STK3: variants seen among roughly 807,000 people sequenced by gnomAD.
STK3 encodes the protein serine/threonine kinase 3.
STK3 carries 41 observed loss-of-function variants against 58.0 expected under a neutral mutation model. That is an observed-to-expected ratio of 0.71 (90% CI 0.55 to 0.92). The LOEUF is 0.92. Among genes scored for constraint, STK3 ranks in the 40% least tolerant of loss-of-function variants. STK3 has a pLI of 0.00. For missense variants in STK3, 479 were observed against 602.7 expected (o/e 0.79, Z 2.15); for synonymous variants, 170 against 191.0 (o/e 0.89, Z 0.91).
chr8:98,876,993 G>C (rs1361932042), intron 3 of STK3, among the ~76,000 whole-genome samples: 1 of 152,172 alleles, frequency 6.6e-6, no homozygotes, highest in African/African-American at 2.4e-5. Context: ...AAAAGATCCT[G>C]GCTATTCCAT....
chr8:98,758,872 T>A (rs1268395693), intron 3 of STK3, among the ~76,000 whole-genome samples: 1 of 152,256 alleles, frequency 6.6e-6, no homozygotes, highest in Non-Finnish European at 1.5e-5. Flanking sequence ...TGTTTAAGCC[T>A]CATGAACCAA....
downstream of STK3, among the ~76,000 whole-genome samples, chr8:98,366,985 T>C (rs1586538415): frequency 6.6e-6 from 1 of 152,370 alleles, no homozygotes; most frequent in Middle Eastern, 3.4e-3. Flanking sequence ...AGAAATTGAG[T>C]AACTTTCCCA....
intron 1 of STK3, among the ~76,000 whole-genome samples, chr8:98,814,932 T>C (rs1412557589): frequency 6.6e-6 from 1 of 152,206 alleles, no homozygotes; most frequent in Non-Finnish European, 1.5e-5. Flanking sequence ...TCTGCCTGCC[T>C]CGGCCTCCCA....
At chr8:98,348,028 T>C in the STK3 span, among the ~76,000 whole-genome samples, 1 of 152,200 alleles carries the variant, frequency 6.6e-6, no homozygotes, top group Non-Finnish European at 1.5e-5. Context: ...AAATCTACGA[T>C]AATCAAGACT....
At chr8:98,850,013 C>A (rs190046463) in intron 3 of STK3, among the ~76,000 whole-genome samples, 1 of 152,094 alleles carries the variant, frequency 6.6e-6, no homozygotes, top group Non-Finnish European at 1.5e-5. Flanking sequence ...TCATTTTTAT[C>A]TCTTTATCAC....
In STK3 at chr8:98,435,749, C is replaced by T. The variant is rs115014502; in HGVS notation, n.291+1354G>A. ...AGGGAATACTCAGAGCCATGTTGCC[C>T]GAGTGCCTGGGATACACAGAGCGGG... is the stretch of plus-strand genomic sequence containing the variant. On this transcript the variant is annotated intron_variant and non_coding_transcript_variant, in intron 2 of 3. Transcript: ENST00000517832. Among the ~76,000 whole-genome samples, 645 of 152,156 alleles carry T rather than the reference C, an allele frequency of 4.2e-3. 4 individuals are homozygous for T. Among genetic ancestry groups the T allele is most frequent in the African/African-American group, 0.014 (567 of 41,526 alleles).
intron 1 of STK3, among the ~76,000 whole-genome samples, chr8:98,446,959 C>T (rs972868647): frequency 6.6e-6 from 1 of 151,972 alleles, no homozygotes; most frequent in African/African-American, 2.4e-5. Context: ...GAGTTGGAAG[C>T]CATTATCGTT....
At chr8:98,908,659 A>G (rs1277486950) in intron 1 of STK3, among the ~76,000 whole-genome samples, 1 of 152,058 alleles carries the variant, frequency 6.6e-6, no homozygotes, top group African/African-American at 2.4e-5. Context: ...ACTGGCCAAC[A>G]TGGTGAAACC....
At chr8:98,710,936 C>T (rs1420363979) in intron 4 of STK3, among the ~76,000 whole-genome samples, 3 of 152,190 alleles carry the variant, frequency 2.0e-5, no homozygotes, top group African/African-American at 7.2e-5. Flanking sequence ...TCCTCTGAGA[C>T]AAAACTTCCA....
At chr8:98,576,113 C>T (rs1350050842) in intron 8 of STK3, among the ~76,000 whole-genome samples, 4 of 152,158 alleles carry the variant, frequency 2.6e-5, no homozygotes, top group Non-Finnish European at 5.9e-5. Flanking sequence ...CATTCTTTTA[C>T]ATGTGGCTAT....
At chr8:98,578,934 T>G (rs1252506789) in intron 8 of STK3, among the ~76,000 whole-genome samples, 1 of 152,086 alleles carries the variant, frequency 6.6e-6, no homozygotes, top group Non-Finnish European at 1.5e-5. Flanking sequence ...GTAGATTACT[T>G]GAGGTCAGGA....
intron 8 of STK3, among the ~76,000 whole-genome samples, chr8:98,568,756 C>A (rs1272102629): frequency 6.6e-6 from 1 of 151,834 alleles, no homozygotes; most frequent in African/African-American, 2.4e-5. Flanking sequence ...AAACTTGAGG[C>A]AATCTCAGAA....
intron 1 of STK3, among the ~76,000 whole-genome samples, chr8:98,913,691 T>G (rs1217175475): frequency 4.6e-5 from 7 of 152,262 alleles, no homozygotes; most frequent in African/African-American, 1.7e-4. Flanking sequence ...ACTGAATCCC[T>G]TTCCACACTG....
intron 10 of STK3, among the ~76,000 whole-genome samples, chr8:98,498,781 G>T (rs536542646): frequency 6.6e-6 from 1 of 152,176 alleles, no homozygotes; most frequent in Admixed American, 6.5e-5. Flanking sequence ...TCGCTGATTT[G>T]TTCCTTATCT....
At chr8:98,463,304 G>A (rs575589413) in intron 10 of STK3, among the ~76,000 whole-genome samples, 4 of 152,108 alleles carry the variant, frequency 2.6e-5, no homozygotes, top group African/African-American at 7.2e-5. Context: ...CATTTTGTTA[G>A]TGATAGCCCT....
chr8:98,926,870 C>T (rs1300237588), intron 1 of STK3, among the ~76,000 whole-genome samples: 1 of 152,154 alleles, frequency 6.6e-6, no homozygotes, highest in Non-Finnish European at 1.5e-5. Context: ...TGGCCCAAAA[C>T]CAGTAGGCAA....
chr8:98,357,830 A>C, the STK3 span, among the ~76,000 whole-genome samples: 10 of 152,278 alleles, frequency 6.6e-5, no homozygotes, highest in African/African-American at 2.2e-4. Flanking sequence ...CCCCCTCATC[A>C]GACTTTGAGA....
At chr8:98,398,553 C>G (rs1353987054), downstream of STK3, among the ~76,000 whole-genome samples, 1 of 152,150 alleles carries the variant, frequency 6.6e-6, no homozygotes, top group Non-Finnish European at 1.5e-5. Context: ...AAACCCTCAC[C>G]ATCAGACTAC....
chr8:98,905,558 G>C (rs1181303909), intron 1 of STK3: 12 of 1,071,604 alleles, frequency 1.1e-5, no homozygotes, highest in Non-Finnish European at 1.7e-5. Flanking sequence ...TGTGTACAAA[G>C]CCGTAGTTCT....
Sources: allele counts gnomAD v4.1 joint callset (sites outside exome capture counted in the v4.1 genomes callset), GRCh38; gene constraint gnomAD v4.1.1; transcripts MANE v1.5; gene names NCBI Gene and HGNC (gene_info 2026-07-23, HGNC 2026-07-21).